Variants in KCNAB1 observed in about 807,000 individuals in gnomAD.
KCNAB1 encodes the protein voltage-gated potassium channel subunit beta-1.
KCNAB1 carries 35 observed loss-of-function variants against 64.6 expected under a neutral mutation model. The observed-to-expected ratio is 0.54, with a 90% CI of 0.41 to 0.72. The LOEUF (loss-of-function observed/expected upper bound fraction) is 0.72. Ranked by LOEUF, KCNAB1 falls within the 30% of genes least tolerant of loss-of-function variation. The pLI, the probability that KCNAB1 is intolerant of heterozygous loss-of-function variation, is 0.00. For missense variants in KCNAB1, 401 were observed against 512.9 expected (o/e 0.78, Z 2.11); for synonymous variants, 177 against 183.8 (o/e 0.96, Z 0.30).
At chr3:156,344,947 A>C (rs576993913) in intron 1 of KCNAB1, among the ~76,000 whole-genome samples, 40 of 152,258 alleles carry the variant, frequency 2.6e-4, no homozygotes, top group African/African-American at 8.7e-4. Context: ...GGCAAAATAA[A>C]ATCAAATGAC....
chr3:156,143,576 T>A (rs9823206), intron 1 of KCNAB1, among the ~76,000 whole-genome samples: 2 of 17,894 alleles, frequency 1.1e-4, no homozygotes, highest in Non-Finnish European at 2.9e-4. Flanking sequence ...CTTGTTTTTT[T>A]TTTTTTTTTT....
intron 1 of KCNAB1, among the ~76,000 whole-genome samples, chr3:156,131,207 A>T (rs1328747418): frequency 6.6e-6 from 1 of 152,166 alleles, no homozygotes; most frequent in Non-Finnish European, 1.5e-5. Context: ...GGAGGAGGAA[A>T]CAACACGGTT....
At chr3:156,227,072 A>G (rs546585070) in intron 1 of KCNAB1, among the ~76,000 whole-genome samples, 69 of 152,348 alleles carry the variant, frequency 4.5e-4, no homozygotes, top group Admixed American at 2.2e-3. Context: ...ATGATGATTA[A>G]GTGCTTTTGG....
intron 1 of KCNAB1, among the ~76,000 whole-genome samples, chr3:156,342,585 C>CTTTTTTTTTTTTTTTTTTTTTT (rs60982892): frequency 1.0e-4 from 9 of 86,240 alleles, no homozygotes; most frequent in Non-Finnish European, 1.3e-4. Context: ...CTATGTGTTT[C>CTTTTTTTTTTTTTTTTTTTTTT]TTTTTTTTTT....
chr3:156,488,847 G>A, intron 8 of KCNAB1, among the ~76,000 whole-genome samples: 1 of 152,092 alleles, frequency 6.6e-6, no homozygotes, highest in Non-Finnish European at 1.5e-5. Context: ...ACTGTAATGT[G>A]GTTCAGTTTG....
chr3:156,306,213 GTGCACA>G (rs1175587017), intron 1 of KCNAB1, among the ~76,000 whole-genome samples: 4 of 151,776 alleles, frequency 2.6e-5, no homozygotes, highest in Non-Finnish European at 4.4e-5. Flanking sequence ...ATCTGATGTG[GTGCACA>G]GAAGGAGCTG....
chr3:156,342,627 A>AT (rs1724219003), intron 1 of KCNAB1, among the ~76,000 whole-genome samples: 1 of 65,384 alleles, frequency 1.5e-5, no homozygotes, highest in South Asian at 5.1e-4. Context: ...TTTTTTTATT[A>AT]TACTCTAAGT....
At chr3:156,231,489 C>T (rs1716521766) in intron 1 of KCNAB1, among the ~76,000 whole-genome samples, 1 of 122,964 alleles carries the variant, frequency 8.1e-6, no homozygotes, top group Non-Finnish European at 1.7e-5. Flanking sequence ...CCCTCCCCTC[C>T]CCTCCCCTCC....
At chr3:156,187,763 G>A (rs1713295324) in intron 1 of KCNAB1, among the ~76,000 whole-genome samples, 1 of 152,200 alleles carries the variant, frequency 6.6e-6, no homozygotes, top group African/African-American at 2.4e-5. Context: ...CCATGGTGAA[G>A]CCAGTGATTT....
chr3:156,298,816 G>A (rs189610520), intron 1 of KCNAB1, among the ~76,000 whole-genome samples: 1 of 152,280 alleles, frequency 6.6e-6, no homozygotes, highest in East Asian at 1.9e-4. Context: ...AAGAAGATTC[G>A]ATATTGCAAG....
At position 156,234,861 on chromosome 3, in the gene KCNAB1, G is replaced by A. The variant is rs144238705; in HGVS notation, c.275+113975G>A. 1.5e-4 allele frequency among the ~76,000 whole-genome samples: 23 copies of A among 152,236 alleles called. No homozygotes were observed. In the East Asian group the frequency reaches 3.7e-3, roughly 24 times the overall value. On this transcript the variant is annotated intron_variant, in intron 1 of 13. Transcript: ENST00000490337. ...ATCTTCACTCACATCAGAGGTCAAC[G>A]TATACCAGAGTTTGCTATTATAAGA...
intron 1 of KCNAB1, among the ~76,000 whole-genome samples, chr3:156,171,773 T>A (rs1712010472): frequency 6.6e-6 from 1 of 152,214 alleles, no homozygotes; most frequent in African/African-American, 2.4e-5. Context: ...TAACCAACTC[T>A]CTTCTCTGGA....
intron 1 of KCNAB1, among the ~76,000 whole-genome samples, chr3:156,327,931 T>G (rs1315973392): frequency 1.3e-5 from 2 of 152,154 alleles, no homozygotes; most frequent in Non-Finnish European, 2.9e-5. Context: ...TCCCCAGTTC[T>G]GCATAGCTCT....
chr3:156,511,318 T>C lies in KCNAB1; in HGVS notation c.659-3046T>C, dbSNP rs567259011. On this transcript the variant is annotated intron_variant, in intron 8 of 13. Coordinates refer to ENST00000490337, the MANE Select transcript of KCNAB1 (RefSeq NM_172160.3). ...CGGGGTTTCACCGTGTTAGCCAGGA[T>C]GGTCTCGATCTCCTGACCTCGTGAT... Among the ~76,000 whole-genome samples, 3 of 152,234 alleles carry C rather than the reference T, an allele frequency of 2.0e-5. No individual in the cohort carries two copies. In the South Asian group the frequency reaches 6.2e-4, roughly 32 times the overall value.
intron 1 of KCNAB1, chr3:156,291,642 A>C (rs895898449): frequency 4.4e-6 from 6 of 1,353,312 alleles, no homozygotes; most frequent in Non-Finnish European, 5.7e-6. Context: ...TGCAAACCTG[A>C]TTCTCCCTCC....
At chr3:156,354,918 A>G (rs950259110) in intron 1 of KCNAB1, among the ~76,000 whole-genome samples, 1 of 152,208 alleles carries the variant, frequency 6.6e-6, no homozygotes, top group African/African-American at 2.4e-5. Flanking sequence ...ATACTAGTTC[A>G]TACTCAGTAC....
intron 1 of KCNAB1, among the ~76,000 whole-genome samples, chr3:156,122,852 G>C (rs1419878579): frequency 6.6e-6 from 1 of 152,124 alleles, no homozygotes; most frequent in Non-Finnish European, 1.5e-5. Context: ...GTTTGCAATA[G>C]CTCAGGAAAC....
At chr3:156,292,460 ATT>A (rs1720498464) in intron 1 of KCNAB1, among the ~76,000 whole-genome samples, 1 of 152,198 alleles carries the variant, frequency 6.6e-6, no homozygotes, top group East Asian at 1.9e-4. Flanking sequence ...TGTTTGTTCT[ATT>A]TTATGATAAA....
rs1046549156 is a variant in KCNAB1, at chr3:156,508,959, T to A, written c.659-5405T>A. On this transcript the variant is annotated intron_variant, in intron 8 of 13. Coordinates refer to ENST00000490337, the MANE Select transcript of KCNAB1 (RefSeq NM_172160.3). The surrounding 1 kb of genome is among the most constrained non-coding windows in gnomAD (Gnocchi z 4.1). ...AGTCAGTTTTTCTAAAAGTTTGTGATTGAGAGCTAATGAAACTAATACAAA... is the reference window on the plus strand; with the variant it reads ...AGTCAGTTTTTCTAAAAGTTTGTGAATGAGAGCTAATGAAACTAATACAAA... 7.2e-5 allele frequency among the ~76,000 whole-genome samples: 11 copies of A among 152,128 alleles called. No homozygotes were observed. Among genetic ancestry groups the A allele is most frequent in the African/African-American group, 2.7e-4 (11 of 41,424 alleles).
Sources: allele counts gnomAD v4.1 joint callset (sites outside exome capture counted in the v4.1 genomes callset), GRCh38; gene constraint gnomAD v4.1.1; non-coding constraint Gnocchi (gnomAD v3.1); transcripts MANE v1.5; gene names NCBI Gene and HGNC (gene_info 2026-07-23, HGNC 2026-07-21).